Variants in ANK3 observed in about 807,000 individuals in gnomAD.
The protein encoded by ANK3 is ankyrin-3.
In ANK3, 57 loss-of-function variants were observed where a neutral mutation model predicts 370.9. The ratio of observed to expected loss-of-function variants is 0.15; its 90% CI spans 0.12 to 0.19. The LOEUF is 0.19. Ranked by LOEUF, ANK3 falls within the 10% of genes least tolerant of loss-of-function variation. The pLI is 1.00. For synonymous variants in ANK3, 1,929 were observed against 1,946.3 expected (o/e 0.99, Z 0.23); for missense variants, 4,439 against 5,302.1 (o/e 0.84, Z 5.06).
intron 7 of ANK3, among the ~76,000 whole-genome samples, chr10:60,239,495 A>G (rs905591547): frequency 2.6e-5 from 4 of 152,216 alleles, no homozygotes; most frequent in African/African-American, 7.2e-5. Flanking sequence ...ATCTTTAAAT[A>G]CTGACTGTCA....
chr10:60,572,890 G>A, intron 2 of ANK3: 3 of 1,028,304 alleles, frequency 2.9e-6, no homozygotes, highest in Non-Finnish European at 3.5e-6. Context: ...GAAATGGTGA[G>A]AGAGAGAGAA....
chr10:60,268,718 G>T (rs1205334829), intron 5 of ANK3, among the ~76,000 whole-genome samples: 1 of 151,996 alleles, frequency 6.6e-6, no homozygotes, highest in Admixed American at 6.6e-5. Flanking sequence ...ACTAGTTTTT[G>T]ATAGTTACTG....
intron 1 of ANK3, among the ~76,000 whole-genome samples, chr10:60,318,007 A>T (rs549334173): frequency 1.5e-4 from 17 of 111,084 alleles, no homozygotes; most frequent in Non-Finnish European, 2.3e-4. Context: ...ATAAGATTAT[A>T]AAAAAAATAC....
intron 2 of ANK3, among the ~76,000 whole-genome samples, chr10:60,508,996 G>A (rs1472559745): frequency 3.3e-5 from 5 of 152,064 alleles, no homozygotes; most frequent in Admixed American, 3.3e-4. Flanking sequence ...TGGATCAGTT[G>A]CAACTCTTTC....
chr10:60,641,951 C>A (rs1267691599), intron 1 of ANK3, among the ~76,000 whole-genome samples: 4 of 144,400 alleles, frequency 2.8e-5, no homozygotes, highest in South Asian at 2.3e-4. Flanking sequence ...AACAAACAAC[C>A]CCATCAAAAA....
intron 2 of ANK3, among the ~76,000 whole-genome samples, chr10:60,515,575 G>T (rs2076197493): frequency 6.6e-6 from 1 of 152,088 alleles, no homozygotes; most frequent in South Asian, 2.1e-4. Flanking sequence ...AAATATATGT[G>T]CCTGGGATTT....
At chr10:60,155,500 C>G (rs1157330050) in intron 23 of ANK3, among the ~76,000 whole-genome samples, 1 of 152,122 alleles carries the variant, frequency 6.6e-6, no homozygotes, top group Non-Finnish European at 1.5e-5. Context: ...GCAATCAGGA[C>G]CCAAGGAGTG....
At chr10:60,161,226 T>TC (rs2095492327) in intron 23 of ANK3, among the ~76,000 whole-genome samples, 3 of 152,136 alleles carry the variant, frequency 2.0e-5, no homozygotes, top group African/African-American at 7.2e-5. Context: ...AAAATCAGTA[T>TC]CATTTCTATG....
At chr10:60,430,570 A>G (rs1268759721) in intron 2 of ANK3, among the ~76,000 whole-genome samples, 1 of 152,172 alleles carries the variant, frequency 6.6e-6, no homozygotes, top group Non-Finnish European at 1.5e-5. Context: ...CAATAACTGC[A>G]CCAGGGTAAC....
intron 18 of ANK3, among the ~76,000 whole-genome samples, chr10:60,179,866 C>G (rs531413398): frequency 2.6e-5 from 4 of 152,076 alleles, no homozygotes; most frequent in African/African-American, 9.7e-5. Context: ...CACCATACTC[C>G]CTGGCTGAAT....
chr10:60,071,600 A>G lies in ANK3; in HGVS notation c.9281T>C (p.Val3094Ala). 6.2e-7 allele frequency: 1 copy of G among 1,613,878 alleles called. No homozygotes were observed. Among genetic ancestry groups the G allele is most frequent in the Non-Finnish European group, 8.5e-7 (1 of 1,179,966 alleles). The change falls in exon 37 of 44, where the codon GTT (valine) becomes GCT (alanine). Residue 3094 changes from valine (V) to alanine (A), a missense_variant. Val to Ala is a moderately conservative substitution (Grantham distance 64, BLOSUM62 0). Coordinates refer to ENST00000280772, the MANE Select transcript of ANK3 (RefSeq NM_020987.5). ...CCCCACTTGTACAAAACTGACATAA[A>G]CGGGTAAAGTTTTTATCTCTTTCCC... ...EGGKEIKTLP[V>A]YVSFVQVGKQ...
intron 7 of ANK3, among the ~76,000 whole-genome samples, chr10:60,259,237 C>G (rs899260488): frequency 1.3e-5 from 2 of 152,172 alleles, no homozygotes; most frequent in Non-Finnish European, 2.9e-5. Context: ...AGTTTAAGCT[C>G]TTTAAAAAGA....
At chr10:60,539,339 T>C (rs558952018) in intron 2 of ANK3, among the ~76,000 whole-genome samples, 1 of 152,068 alleles carries the variant, frequency 6.6e-6, no homozygotes, top group African/African-American at 2.4e-5. Context: ...TATGAAGAAA[T>C]AGCACTTTTG....
intron 18 of ANK3, among the ~76,000 whole-genome samples, chr10:60,177,738 C>T (rs1238998471): frequency 6.6e-6 from 1 of 151,956 alleles, no homozygotes; most frequent in African/African-American, 2.4e-5. Context: ...GCTGGGACTA[C>T]AGGCACCCGC....
intron 1 of ANK3, among the ~76,000 whole-genome samples, chr10:60,699,915 A>G (rs533841034): frequency 2.8e-4 from 43 of 152,316 alleles, no homozygotes; most frequent in African/African-American, 9.6e-4. Flanking sequence ...CAAATGTTAG[A>G]TGTCGACTAC....
chr10:60,378,451 C>T (rs78217909), intron 1 of ANK3, among the ~76,000 whole-genome samples: 17 of 151,976 alleles, frequency 1.1e-4, no homozygotes, highest in Admixed American at 1.3e-4. Flanking sequence ...AAATATACTA[C>T]AAACCTATAG....
At chr10:60,592,085 T>C (rs2077923563) in intron 2 of ANK3, among the ~76,000 whole-genome samples, 1 of 152,200 alleles carries the variant, frequency 6.6e-6, no homozygotes, top group African/African-American at 2.4e-5. Flanking sequence ...GTAATTAGTT[T>C]GTTTGTAACT....
chr10:60,574,738 C>T (rs1040272875), intron 2 of ANK3, among the ~76,000 whole-genome samples: 1 of 152,140 alleles, frequency 6.6e-6, no homozygotes, highest in Non-Finnish European at 1.5e-5. Context: ...GTGCTTTATA[C>T]AAATTCTTCA....
chr10:60,445,542 T>C (rs951701117), intron 2 of ANK3, among the ~76,000 whole-genome samples: 9 of 151,422 alleles, frequency 5.9e-5, no homozygotes, highest in Admixed American at 2.6e-4. Flanking sequence ...TGGTATATCT[T>C]CTACTAAAAA....
Sources: gnomAD v4.1 joint callset for allele counts (sites outside exome capture counted in the v4.1 genomes callset) on GRCh38, gnomAD v4.1.1 for gene constraint, MANE v1.5 for transcripts, NCBI Gene and HGNC (gene_info 2026-07-23, HGNC 2026-07-21) for gene names.